The following CDH18 variants were observed in gnomAD, a reference collection of about 807,000 sequenced individuals.
CDH18 encodes cadherin 18, also known as cadherin-18.
A neutral mutation model predicts 67.9 loss-of-function variants in CDH18; 31 were observed. The ratio of observed to expected loss-of-function variants is 0.46; its 90% CI spans 0.34 to 0.62. CDH18 has a LOEUF of 0.62. CDH18 is among the 20% of genes least tolerant of loss of function. The pLI is 0.01. For missense variants in CDH18, 890 were observed against 975.5 expected (o/e 0.91, Z 1.17); for synonymous variants, 362 against 347.2 (o/e 1.04, Z -0.48).
intron 4 of CDH18, among the ~76,000 whole-genome samples, chr5:19,723,565 G>T (rs1369001229): frequency 6.6e-6 from 1 of 152,176 alleles, no homozygotes; most frequent in African/African-American, 2.4e-5. Context: ...AAATAGTATG[G>T]TGACAGTAAC....
At chr5:20,268,964 C>T (rs535273526) in intron 1 of CDH18, among the ~76,000 whole-genome samples, 1 of 152,198 alleles carries the variant, frequency 6.6e-6, no homozygotes, top group South Asian at 2.1e-4. Context: ...AAAATATTTG[C>T]AAACTATTTC....
At chr5:20,241,562 T>G (rs1421852627) in intron 2 of CDH18, among the ~76,000 whole-genome samples, 1 of 151,958 alleles carries the variant, frequency 6.6e-6, no homozygotes, top group Non-Finnish European at 1.5e-5. Flanking sequence ...TATTAAGATA[T>G]AGAAATCGGC....
intron 6 of CDH18, among the ~76,000 whole-genome samples, chr5:19,594,863 A>G (rs1745914415): frequency 6.6e-6 from 1 of 152,164 alleles, no homozygotes; most frequent in African/African-American, 2.4e-5. Flanking sequence ...ATGCTTTTCC[A>G]ATAAGATCAG....
intron 1 of CDH18, among the ~76,000 whole-genome samples, chr5:20,507,938 A>G (rs1474460902): frequency 1.3e-5 from 2 of 152,110 alleles, no homozygotes; most frequent in Non-Finnish European, 2.9e-5. Flanking sequence ...TCACATTTGA[A>G]AACAGTATAG....
chr5:20,491,132 A>G (rs890410893), intron 1 of CDH18, among the ~76,000 whole-genome samples: 2 of 151,842 alleles, frequency 1.3e-5, no homozygotes. Flanking sequence ...CATCCTACAA[A>G]GAATTAACAT....
At chr5:20,258,897 CAA>C (rs772171752) in intron 1 of CDH18, among the ~76,000 whole-genome samples, 13 of 152,078 alleles carry the variant, frequency 8.5e-5, no homozygotes, top group African/African-American at 3.1e-4. Context: ...CATATGAGGT[CAA>C]ACCCTAGTTA....
Position 20,157,295 on chromosome 5 carries a change from C to T in CDH18, c.-518+98149G>A, listed in dbSNP as rs183921716. Among the ~76,000 whole-genome samples, 5 of 152,270 alleles carry T rather than the reference C, an allele frequency of 3.3e-5. No homozygotes were observed. In the East Asian group the frequency reaches 7.7e-4, roughly 24 times the overall value. On this transcript the variant is annotated intron_variant, in intron 2 of 14. Coordinates refer to the CDH18 transcript ENST00000507958. ...AGATTGACTACTGCATTCAGAAGCA[C>T]ATGGAGAATGAAATCTTTGCCTTGA...
intron 1 of CDH18, among the ~76,000 whole-genome samples, chr5:20,279,647 C>T (rs567669488): frequency 1.4e-4 from 17 of 125,760 alleles, no homozygotes; most frequent in Non-Finnish European, 2.6e-4. Context: ...TGCAGTGAGC[C>T]GAGATCATGC....
intron 3 of CDH18, among the ~76,000 whole-genome samples, chr5:19,828,687 T>A (rs1435745420): frequency 6.6e-6 from 1 of 152,114 alleles, no homozygotes; most frequent in African/African-American, 2.4e-5. Context: ...AAATACAACA[T>A]CGCTTCATGT....
chr5:20,317,139 TG>T (rs1301532632), intron 1 of CDH18, among the ~76,000 whole-genome samples: 1 of 152,108 alleles, frequency 6.6e-6, no homozygotes, highest in African/African-American at 2.4e-5. Context: ...TTTTTGCTTT[TG>T]CCTTTAGAAT....
At chr5:20,228,211 A>G (rs1332362490) in intron 2 of CDH18, among the ~76,000 whole-genome samples, 17 of 151,980 alleles carry the variant, frequency 1.1e-4, no homozygotes, top group Non-Finnish European at 4.4e-5. Context: ...AGAACTTGCA[A>G]TGTCATAGTT....
chr5:19,822,396 A>C (rs1328072931), intron 3 of CDH18, among the ~76,000 whole-genome samples: 2 of 152,176 alleles, frequency 1.3e-5, no homozygotes, highest in Non-Finnish European at 2.9e-5. Context: ...AAAAGGTTCA[A>C]TTCTATCTGG....
intron 5 of CDH18, among the ~76,000 whole-genome samples, chr5:19,632,274 G>A (rs561667558): frequency 3.9e-5 from 6 of 151,956 alleles, no homozygotes; most frequent in East Asian, 3.9e-4. Flanking sequence ...TTCCTTCCTC[G>A]CCCCCAGTCA....
At chr5:20,503,796 G>T (rs1754481910) in intron 1 of CDH18, among the ~76,000 whole-genome samples, 1 of 152,114 alleles carries the variant, frequency 6.6e-6, no homozygotes, top group Admixed American at 6.6e-5. Context: ...TCATCATTTT[G>T]GGAGGCTGAG....
intron 5 of CDH18, among the ~76,000 whole-genome samples, chr5:19,677,370 T>C (rs887066695): frequency 2.0e-5 from 3 of 152,078 alleles, no homozygotes; most frequent in Non-Finnish European, 4.4e-5. Context: ...CGGAATTCAT[T>C]ACCACCAGAA....
intron 3 of CDH18, among the ~76,000 whole-genome samples, chr5:19,762,915 A>G (rs1003333561): frequency 9.9e-5 from 15 of 152,282 alleles, no homozygotes; most frequent in Admixed American, 8.5e-4. Flanking sequence ...ATACTATGCA[A>G]CCATAAAAAA....
chr5:19,646,633 G>T (rs370987258), intron 5 of CDH18, among the ~76,000 whole-genome samples: 1 of 152,036 alleles, frequency 6.6e-6, no homozygotes, highest in East Asian at 1.9e-4. Flanking sequence ...GAGCCACCAC[G>T]CCCGGCCTTA....
chr5:19,752,539 G>A (rs1430250854), intron 3 of CDH18, among the ~76,000 whole-genome samples: 1 of 152,074 alleles, frequency 6.6e-6, no homozygotes, highest in Non-Finnish European at 1.5e-5. Context: ...CCCAAGAAAA[G>A]TCTGAGTTCA....
chr5:20,464,732 C>T (rs1468542494), intron 1 of CDH18, among the ~76,000 whole-genome samples: 7 of 152,038 alleles, frequency 4.6e-5, no homozygotes, highest in African/African-American at 7.2e-5. Context: ...AAACAAACTT[C>T]GTCAACATCA....
Sources: gnomAD v4.1 joint callset for allele counts (sites outside exome capture counted in the v4.1 genomes callset) on GRCh38, gnomAD v4.1.1 for gene constraint, MANE v1.5 for transcripts, NCBI Gene and HGNC (gene_info 2026-07-23, HGNC 2026-07-21) for gene names.